Variants in SCHIP1 observed in about 807,000 individuals in gnomAD.
SCHIP1 encodes the protein schwannomin interacting protein 1, also known as schwannomin-interacting protein 1.
A neutral mutation model predicts 29.7 loss-of-function variants in SCHIP1; 8 were observed. The observed-to-expected ratio is 0.27, with a 90% CI of 0.16 to 0.49. The LOEUF (loss-of-function observed/expected upper bound fraction) is 0.49, where lower values mean the gene tolerates loss of function less well. SCHIP1 is among the 20% of genes least tolerant of loss of function. The probability of loss-of-function intolerance (pLI) is 0.99; values close to 1 mark genes in which losing one functional copy is unlikely to be tolerated. For missense variants in SCHIP1, 193 were observed against 294.6 expected (o/e 0.66, Z 2.52); for synonymous variants, 76 against 94.9 (o/e 0.80, Z 1.16).
At chr3:159,710,611 C>T in the SCHIP1 span, among the ~76,000 whole-genome samples, 2 of 152,052 alleles carry the variant, frequency 1.3e-5, no homozygotes, top group African/African-American at 4.8e-5. Flanking sequence ...TTGTTTATTC[C>T]ACAAGGTATA....
chr3:159,551,576 C>A, the SCHIP1 span, among the ~76,000 whole-genome samples: 3 of 152,064 alleles, frequency 2.0e-5, no homozygotes, highest in African/African-American at 7.2e-5. Context: ...TAATAATGAA[C>A]TGTATAATAC....
the SCHIP1 span, among the ~76,000 whole-genome samples, chr3:159,292,091 G>A: frequency 6.6e-6 from 1 of 151,996 alleles, no homozygotes; most frequent in Non-Finnish European, 1.5e-5. Context: ...CATAATTATT[G>A]AAGAAAACTT....
the SCHIP1 span, among the ~76,000 whole-genome samples, chr3:159,805,708 A>G: frequency 0.25 from 38,109 of 152,008 alleles, 4,984 homozygotes; most frequent in Middle Eastern, 0.34. Context: ...TTGTATGAGT[A>G]AACGAAAGAC....
At chr3:159,814,152 A>T in the SCHIP1 span, among the ~76,000 whole-genome samples, 2 of 152,114 alleles carry the variant, frequency 1.3e-5, no homozygotes, top group African/African-American at 4.8e-5. Flanking sequence ...CCAAGGTAGG[A>T]GCAGTAGCAA....
At chr3:159,517,474 C>G in the SCHIP1 span, among the ~76,000 whole-genome samples, 1 of 151,676 alleles carries the variant, frequency 6.6e-6, no homozygotes, top group African/African-American at 2.4e-5. Context: ...ACTGTTTTTT[C>G]AAAAAAATTT....
chr3:159,518,323 G>C, the SCHIP1 span, among the ~76,000 whole-genome samples: 1 of 152,060 alleles, frequency 6.6e-6, no homozygotes, highest in Non-Finnish European at 1.5e-5. Flanking sequence ...GTTTGGGGAG[G>C]CCATTGAAAG....
chr3:159,317,428 G>C, the SCHIP1 span, among the ~76,000 whole-genome samples: 1 of 152,178 alleles, frequency 6.6e-6, no homozygotes, highest in Non-Finnish European at 1.5e-5. Context: ...TTTGCCAGTA[G>C]ATCACTGGGG....
intron 1 of SCHIP1, chr3:159,840,355 G>C (rs1432033570): frequency 9.6e-6 from 7 of 726,362 alleles, no homozygotes; most frequent in Non-Finnish European, 1.7e-5. Flanking sequence ...TGCAGTATCT[G>C]AATTGTAATT....
At chr3:159,552,452 A>G in the SCHIP1 span, among the ~76,000 whole-genome samples, 3 of 152,190 alleles carry the variant, frequency 2.0e-5, no homozygotes, top group African/African-American at 7.2e-5. Flanking sequence ...GAATCGACAA[A>G]AAAAAATAGT....
chr3:159,417,791 T>G, the SCHIP1 span, among the ~76,000 whole-genome samples: 1 of 152,112 alleles, frequency 6.6e-6, no homozygotes, highest in Non-Finnish European at 1.5e-5. Context: ...GAAAGAGCAG[T>G]GGTTTGAAAT....
At chr3:159,601,191 C>T in the SCHIP1 span, among the ~76,000 whole-genome samples, 1 of 152,154 alleles carries the variant, frequency 6.6e-6, no homozygotes, top group African/African-American at 2.4e-5. Flanking sequence ...AGTGGGCCCA[C>T]TTGGGTCTCT....
At chr3:159,374,935 A>G in the SCHIP1 span, among the ~76,000 whole-genome samples, 1 of 152,240 alleles carries the variant, frequency 6.6e-6, no homozygotes, top group African/African-American at 2.4e-5. Context: ...AAGACTTACT[A>G]TGAAAAAGAA....
chr3:159,538,449 T>G, the SCHIP1 span, among the ~76,000 whole-genome samples: 1 of 152,192 alleles, frequency 6.6e-6, no homozygotes, highest in African/African-American at 2.4e-5. Flanking sequence ...TGTGTAGAAC[T>G]GGGACTTGGG....
the SCHIP1 span, among the ~76,000 whole-genome samples, chr3:159,809,182 C>T: frequency 6.6e-6 from 1 of 150,862 alleles, no homozygotes; most frequent in Non-Finnish European, 1.5e-5. Flanking sequence ...GTTCCCTGCC[C>T]TGTGTCCATG....
the SCHIP1 span, among the ~76,000 whole-genome samples, chr3:159,318,034 G>A: frequency 9.2e-5 from 14 of 152,138 alleles, no homozygotes; most frequent in African/African-American, 2.9e-4. Context: ...CTGTAGCCAG[G>A]TCATCCTTGG....
chr3:159,683,784 T>C, the SCHIP1 span, among the ~76,000 whole-genome samples: 2 of 152,210 alleles, frequency 1.3e-5, no homozygotes, highest in Non-Finnish European at 2.9e-5. Flanking sequence ...AGAGCTCCAC[T>C]TGTGCTTCCA....
chr3:159,424,568 G>A, the SCHIP1 span, among the ~76,000 whole-genome samples: 1 of 152,336 alleles, frequency 6.6e-6, no homozygotes, highest in East Asian at 1.9e-4. Context: ...CATCTAACTG[G>A]TTTACCTGAA....
the SCHIP1 span, among the ~76,000 whole-genome samples, chr3:159,487,286 C>T: frequency 1.1e-4 from 16 of 152,176 alleles, no homozygotes; most frequent in East Asian, 2.5e-3. Flanking sequence ...TGCTTCAGTT[C>T]GTCTTCATTT....
chr3:159,704,251 AC>A, the SCHIP1 span, among the ~76,000 whole-genome samples: 1 of 152,040 alleles, frequency 6.6e-6, no homozygotes, highest in African/African-American at 2.4e-5. Flanking sequence ...CCTGGGAAAC[AC>A]AGTGAAACTC....
Sources: allele counts gnomAD v4.1 joint callset (sites outside exome capture counted in the v4.1 genomes callset), GRCh38; gene constraint gnomAD v4.1.1; transcripts MANE v1.5; gene names NCBI Gene and HGNC (gene_info 2026-07-23, HGNC 2026-07-21).